The following GRM7 variants were observed in gnomAD, a reference collection of about 807,000 sequenced individuals.
GRM7 encodes glutamate metabotropic receptor 7.
In GRM7, 35 loss-of-function variants were observed where a neutral mutation model predicts 84.5. The observed-to-expected ratio is 0.41, with a 90% CI of 0.32 to 0.55. GRM7 has a LOEUF of 0.55. GRM7 is among the 20% of genes least tolerant of loss of function. The pLI is 0.19. For synonymous variants in GRM7, 487 were observed against 455.1 expected (o/e 1.07, Z -0.89); for missense variants, 1,003 against 1,194.6 (o/e 0.84, Z 2.36).
intron 1 of GRM7, among the ~76,000 whole-genome samples, chr3:6,989,644 A>G (rs1051361638): frequency 7.2e-5 from 11 of 152,262 alleles, no homozygotes; most frequent in African/African-American, 2.7e-4. Context: ...AAATAAACTG[A>G]TAAACCTAAG....
Position 7,312,220 on chromosome 3 carries a change from T to C in GRM7, c.1033+5568T>C, listed in dbSNP as rs140430067. 4.8e-3 allele frequency among the ~76,000 whole-genome samples: 725 copies of C among 152,274 alleles called. 6 individuals are homozygous for C. The highest frequency in any genetic ancestry group is 0.017 in the African/African-American group (699 of 41,576). On this transcript the variant is annotated intron_variant, in intron 4 of 9. Coordinates refer to ENST00000357716, the MANE Select transcript of GRM7 (RefSeq NM_000844.4). ...GATGAGCGATGCCCTGTCCCTTACT[T>C]TGCCACAGATGTCTGAACAGCTCTG...
chr3:6,903,104 T>C (rs1228536393), intron 1 of GRM7, among the ~76,000 whole-genome samples: 2 of 152,140 alleles, frequency 1.3e-5, no homozygotes, highest in Admixed American at 1.3e-4. Flanking sequence ...TGTGCATCTT[T>C]ATTTTGTTTT....
intron 2 of GRM7, among the ~76,000 whole-genome samples, chr3:7,224,482 G>A (rs764433818): frequency 2.6e-5 from 4 of 152,114 alleles, no homozygotes; most frequent in Admixed American, 2.6e-4. Flanking sequence ...AGGTCCAAAC[G>A]ATATTACTGT....
intron 1 of GRM7, among the ~76,000 whole-genome samples, chr3:6,968,579 C>G (rs1029855566): frequency 2.0e-5 from 3 of 152,096 alleles, no homozygotes; most frequent in African/African-American, 4.8e-5. Context: ...TGGAAATAAG[C>G]TATTTTAATA....
intron 8 of GRM7, among the ~76,000 whole-genome samples, chr3:7,672,938 G>A (rs1004840691): frequency 6.6e-6 from 1 of 152,130 alleles, no homozygotes; most frequent in African/African-American, 2.4e-5. Context: ...TAAACGAGAT[G>A]TTCCCCCTAA....
intron 8 of GRM7, among the ~76,000 whole-genome samples, chr3:7,620,003 T>G (rs1697282099): frequency 6.6e-6 from 1 of 152,142 alleles, no homozygotes; most frequent in East Asian, 1.9e-4. Context: ...CCAAAAATCC[T>G]GACCACTCCT....
intron 5 of GRM7, among the ~76,000 whole-genome samples, chr3:7,431,018 G>C (rs369812456): frequency 6.6e-6 from 1 of 151,968 alleles, no homozygotes; most frequent in Non-Finnish European, 1.5e-5. Flanking sequence ...AGGGAGTTGT[G>C]GGGAGGGGCC....
intron 5 of GRM7, among the ~76,000 whole-genome samples, chr3:7,417,072 A>G (rs977410046): frequency 2.6e-5 from 4 of 152,094 alleles, no homozygotes; most frequent in Non-Finnish European, 4.4e-5. Context: ...CTTCAGGCTG[A>G]TCATTGAGAA....
At chr3:7,009,189 C>T (rs553088648) in intron 1 of GRM7, among the ~76,000 whole-genome samples, 2 of 152,334 alleles carry the variant, frequency 1.3e-5, no homozygotes, top group African/African-American at 4.8e-5. Context: ...AACTTCTTCT[C>T]ATCTTTGCCT....
chr3:7,540,202 C>T, intron 7 of GRM7, among the ~76,000 whole-genome samples: 1 of 152,022 alleles, frequency 6.6e-6, no homozygotes, highest in East Asian at 1.9e-4. Flanking sequence ...ATGGGATAAC[C>T]AGATGACCCA....
At chr3:6,884,966 G>A (rs1296785951) in intron 1 of GRM7, among the ~76,000 whole-genome samples, 1 of 152,152 alleles carries the variant, frequency 6.6e-6, no homozygotes, top group Non-Finnish European at 1.5e-5. Flanking sequence ...GATGAGTGGT[G>A]ATGTTCTTGA....
At chr3:7,166,795 T>C (rs73811622) in intron 2 of GRM7, among the ~76,000 whole-genome samples, 9,709 of 152,218 alleles carry the variant, frequency 0.064, 763 homozygotes, top group African/African-American at 0.17. Context: ...GTCACCACTG[T>C]AGCCTCGTCC....
At chr3:7,676,313 A>C (rs546520524) in intron 8 of GRM7, among the ~76,000 whole-genome samples, 14 of 152,280 alleles carry the variant, frequency 9.2e-5, no homozygotes, top group African/African-American at 3.4e-4. Context: ...TAGTGGGAGC[A>C]GGTCCCTGGG....
At chr3:7,686,334 C>CT in intron 9 of GRM7, 2 of 908,998 alleles carry the variant, frequency 2.2e-6, no homozygotes, top group Admixed American at 1.7e-5. Context: ...TTATACATAC[C>CT]TATATATTTA....
At chr3:7,538,255 G>T (rs1692662381) in intron 7 of GRM7, among the ~76,000 whole-genome samples, 1 of 152,122 alleles carries the variant, frequency 6.6e-6, no homozygotes, top group Admixed American at 6.5e-5. Flanking sequence ...GATTACAAGA[G>T]TGCGCAACCA....
intron 4 of GRM7, among the ~76,000 whole-genome samples, chr3:7,411,885 A>T (rs928930320): frequency 2.6e-5 from 4 of 152,038 alleles, no homozygotes; most frequent in Non-Finnish European, 4.4e-5. Flanking sequence ...CCTATTTTTT[A>T]AAATTTTTGT....
chr3:7,129,054 G>C (rs9814809), intron 1 of GRM7, among the ~76,000 whole-genome samples: 45,817 of 151,966 alleles, frequency 0.3, 7,369 homozygotes, highest in African/African-American at 0.41. Context: ...GTTCATAGCA[G>C]AGTTGGTATG....
At chr3:7,356,262 G>C (rs1323966466) in intron 4 of GRM7, among the ~76,000 whole-genome samples, 1 of 151,952 alleles carries the variant, frequency 6.6e-6, no homozygotes. Flanking sequence ...GCGTCCACAT[G>C]AATGTTCATC....
intron 9 of GRM7, among the ~76,000 whole-genome samples, chr3:7,683,177 A>G (rs1386043844): frequency 6.6e-6 from 1 of 152,214 alleles, no homozygotes; most frequent in Non-Finnish European, 1.5e-5. Context: ...TTCTTTAAAC[A>G]TACTGTAACG....
Sources: gnomAD v4.1 joint callset for allele counts (sites outside exome capture counted in the v4.1 genomes callset) on GRCh38, gnomAD v4.1.1 for gene constraint, MANE v1.5 for transcripts, NCBI Gene and HGNC (gene_info 2026-07-23, HGNC 2026-07-21) for gene names.